SLX4IP: variants seen among roughly 807,000 people sequenced by gnomAD.
SLX4IP encodes the protein SLX4 interacting protein.
SLX4IP carries 34 observed loss-of-function variants against 32.9 expected under a neutral mutation model. The ratio of observed to expected loss-of-function variants is 1.03; its 90% confidence interval spans 0.79 to 1.38. The LOEUF is 1.38. Ranked by LOEUF, SLX4IP falls within the 40% of genes most tolerant of loss-of-function variation. The pLI is 0.00. For synonymous variants in SLX4IP, 172 were observed against 171.7 expected, an observed-to-expected ratio of 1.00 and a Z score of -0.01; for missense variants, 444 against 479.0, an observed-to-expected ratio of 0.93 and a Z score of 0.68.
chr20:10,501,817 G>A (rs778237975), intron 2 of SLX4IP, among the ~76,000 whole-genome samples: 4 of 152,130 alleles, frequency 2.6e-5, no homozygotes, highest in African/African-American at 7.2e-5. Flanking sequence ...ATTTTCTTCC[G>A]AGACGCAGAC....
chr20:10,484,538 G>A (rs556967862), intron 2 of SLX4IP, among the ~76,000 whole-genome samples: 8 of 152,200 alleles, frequency 5.3e-5, no homozygotes, highest in African/African-American at 1.7e-4. Context: ...GCTTGTCACT[G>A]TGTGAGGCAC....
At chr20:10,455,663 G>T (rs2065279069) in intron 1 of SLX4IP, among the ~76,000 whole-genome samples, 1 of 151,694 alleles carries the variant, frequency 6.6e-6, no homozygotes, top group South Asian at 2.1e-4. Context: ...AGGCTAGAGT[G>T]CAGTGGCGCA....
At chr20:10,533,224 G>A (rs1179744985) in intron 2 of SLX4IP, among the ~76,000 whole-genome samples, 2 of 152,012 alleles carry the variant, frequency 1.3e-5, no homozygotes, top group African/African-American at 2.4e-5. Flanking sequence ...TCACTCTGGT[G>A]GGAAGAAGGT....
intron 2 of SLX4IP, among the ~76,000 whole-genome samples, chr20:10,473,707 A>G (rs1400985642): frequency 7.9e-5 from 12 of 151,962 alleles, no homozygotes; most frequent in Admixed American, 6.6e-4. Flanking sequence ...GGTTCAAGCA[A>G]TTCTCCTGCC....
At chr20:10,581,034 T>A (rs943213801) in intron 4 of SLX4IP, among the ~76,000 whole-genome samples, 1 of 151,760 alleles carries the variant, frequency 6.6e-6, no homozygotes, top group African/African-American at 2.4e-5. Context: ...TCTTTTTTTT[T>A]CTTCTGAGCC....
chr20:10,605,003 C>T (rs535933563), intron 6 of SLX4IP, among the ~76,000 whole-genome samples: 7 of 152,044 alleles, frequency 4.6e-5, no homozygotes, highest in Non-Finnish European at 8.8e-5. Context: ...ATTTTGATTG[C>T]GCTCAGCTAC....
intron 2 of SLX4IP, among the ~76,000 whole-genome samples, chr20:10,534,536 C>T (rs923877373): frequency 5.9e-5 from 9 of 152,224 alleles, no homozygotes; most frequent in Admixed American, 3.3e-4. Context: ...GAAGGAGCCT[C>T]GAGTCAAGCC....
chr20:10,484,895 G>A (rs2065558905), intron 2 of SLX4IP, among the ~76,000 whole-genome samples: 3 of 152,068 alleles, frequency 2.0e-5, no homozygotes. Flanking sequence ...ACCCATGTGG[G>A]TACACCTGAA....
intron 6 of SLX4IP, among the ~76,000 whole-genome samples, chr20:10,609,189 C>G (rs2066939126): frequency 6.6e-6 from 1 of 152,164 alleles, no homozygotes; most frequent in Non-Finnish European, 1.5e-5. Context: ...AACCCAGTCA[C>G]CTCTCTAAAG....
chr20:10,440,415 A>G (rs542223986), intron 1 of SLX4IP, among the ~76,000 whole-genome samples: 13 of 152,250 alleles, frequency 8.5e-5, no homozygotes, highest in Middle Eastern at 6.8e-3. Context: ...AGATAGTGCA[A>G]CTGCGCTTTA....
chr20:10,457,744 GT>G (rs1194765467), intron 1 of SLX4IP, among the ~76,000 whole-genome samples: 6 of 151,450 alleles, frequency 4.0e-5, no homozygotes, highest in Admixed American at 2.0e-4. Flanking sequence ...TTATGCTTCT[GT>G]TTTTTTAAAG....
Position 10,626,974 on chromosome 20 carries a change from T to A in SLX4IP, c.*3595T>A, listed in dbSNP as rs2067179418. 1 of 152,238 alleles carries A rather than the reference T, an allele frequency of 6.6e-6. No individual in the cohort carries two copies. Among genetic ancestry groups the A allele is most frequent in the Admixed American group, 6.5e-5 (1 of 15,284 alleles). 9.4% of individuals were successfully genotyped at this position (152,238 alleles called of 1,614,324 possible). On this transcript the variant is annotated 3_prime_UTR_variant, in exon 8 of 8. Coordinates refer to ENST00000334534, the MANE Select transcript of SLX4IP (RefSeq NM_001009608.3). ...ATTTTAGCATGGTTTGTTATGCATGTCAGTGGCCTCTGATTTCAGAAAGAG... is the reference window on the plus strand; with the variant it reads ...ATTTTAGCATGGTTTGTTATGCATGACAGTGGCCTCTGATTTCAGAAAGAG...
chr20:10,452,674 A>ATATATATATATATATATAT (rs201507537), intron 1 of SLX4IP, among the ~76,000 whole-genome samples: 14 of 93,768 alleles, frequency 1.5e-4, no homozygotes, highest in African/African-American at 5.6e-4. Flanking sequence ...CAAAAAAAAA[A>ATATATATATATATATATAT]AAAAAAATAT....
At chr20:10,452,737 G>C (rs564205658) in intron 1 of SLX4IP, among the ~76,000 whole-genome samples, 1 of 150,038 alleles carries the variant, frequency 6.7e-6, no homozygotes, top group East Asian at 1.9e-4. Context: ...TATAATCTGA[G>C]CTACTTAGGA....
intron 2 of SLX4IP, among the ~76,000 whole-genome samples, chr20:10,494,513 G>GT (rs1363448163): frequency 2.0e-5 from 3 of 151,654 alleles, no homozygotes; most frequent in South Asian, 4.1e-4. Context: ...ATAGAATTGA[G>GT]TTATAGTTTT....
chr20:10,530,395 G>C (rs375130444), intron 2 of SLX4IP, among the ~76,000 whole-genome samples: 126 of 152,300 alleles, frequency 8.3e-4, no homozygotes, highest in African/African-American at 2.8e-3. Context: ...CAGCTTTTGA[G>C]TTCCCTCTGA....
At chr20:10,497,219 A>G (rs910444013) in intron 2 of SLX4IP, among the ~76,000 whole-genome samples, 1 of 152,126 alleles carries the variant, frequency 6.6e-6, no homozygotes, top group Non-Finnish European at 1.5e-5. Context: ...ATTACTTTGC[A>G]TTGAATCTTG....
At chr20:10,462,280 T>C (rs982625379) in intron 2 of SLX4IP, among the ~76,000 whole-genome samples, 1 of 152,176 alleles carries the variant, frequency 6.6e-6, no homozygotes, top group African/African-American at 2.4e-5. Flanking sequence ...AAAGAAATAA[T>C]GCAATACAAT....
chr20:10,537,206 C>T (rs1265582714), intron 2 of SLX4IP, among the ~76,000 whole-genome samples: 2 of 152,106 alleles, frequency 1.3e-5, no homozygotes, highest in African/African-American at 2.4e-5. Flanking sequence ...GCTGAAATAA[C>T]GCACTGTGTT....
Sources: gnomAD v4.1 joint callset for allele counts (sites outside exome capture counted in the v4.1 genomes callset) on GRCh38, gnomAD v4.1.1 for gene constraint, MANE v1.5 for transcripts, NCBI Gene and HGNC (gene_info 2026-07-23, HGNC 2026-07-21) for gene names.